Variants in CNKSR2 observed in about 807,000 individuals in gnomAD.
The protein encoded by CNKSR2 is CNK homolog protein 2.
CNKSR2 carries 14 observed loss-of-function variants against 84.4 expected under a neutral mutation model. The ratio of observed to expected loss-of-function variants is 0.17; its 90% CI spans 0.11 to 0.26. CNKSR2 has a LOEUF of 0.26. Among genes scored for constraint, CNKSR2 ranks in the 10% least tolerant of loss-of-function variants. CNKSR2 has a pLI of 1.00. For missense variants in CNKSR2, 485 were observed against 771.2 expected, an observed-to-expected ratio of 0.63 and a Z score of 4.40; for synonymous variants, 275 against 277.9, an observed-to-expected ratio of 0.99 and a Z score of 0.10.
intron 5 of CNKSR2, among the ~76,000 whole-genome samples, chrX:21,481,378 G>C (rs759039298): frequency 9.0e-6 from 1 of 111,353 alleles, no homozygotes; most frequent in Non-Finnish European, 1.9e-5. Context: ...TAATTCTAAG[G>C]TCATAAATTA....
At chrX:21,534,960 A>T (rs143454906) in intron 11 of CNKSR2, among the ~76,000 whole-genome samples, 1,569 of 110,630 alleles carry the variant, frequency 0.014, 14 homozygotes, top group Non-Finnish European at 0.023. Context: ...TGCCTAGACC[A>T]ATGTCCTGAA....
intron 20 of CNKSR2, among the ~76,000 whole-genome samples, chrX:21,630,484 A>C (rs1454318763): frequency 2.7e-5 from 3 of 111,701 alleles, no homozygotes; most frequent in African/African-American, 9.8e-5. Context: ...CAACCCTGTA[A>C]GGGAAATACT....
chrX:21,590,899 T>G, intron 14 of CNKSR2, 123 bp from the exon 15 acceptor site: 1 of 578,654 alleles, frequency 1.7e-6, no homozygotes, highest in Admixed American at 3.4e-5. Flanking sequence ...TATATTTTTC[T>G]AGTCTAATAC....
Position 21,482,330 on chromosome X carries a change from G to A in CNKSR2, c.562-8129G>A, listed in dbSNP as rs1160810068. On this transcript the variant is annotated intron_variant, in intron 5 of 21. Transcript: ENST00000379510. Reference sequence around the variant, plus strand: ...CATTGTGAAAAGAACATTTGACTAAGCATCAGCACTTCTGGGTTTTAGTCT... The same window carrying A: ...CATTGTGAAAAGAACATTTGACTAAACATCAGCACTTCTGGGTTTTAGTCT... Among the ~76,000 whole-genome samples, 6 of 111,779 alleles carry A rather than the reference G, an allele frequency of 5.4e-5. No individual in the cohort carries two copies. In the Middle Eastern group the frequency reaches 0.014, roughly 258 times the overall value.
At chrX:21,390,316 C>T (rs888409584) in intron 1 of CNKSR2, among the ~76,000 whole-genome samples, 7 of 111,611 alleles carry the variant, frequency 6.3e-5, no homozygotes, top group Non-Finnish European at 3.8e-5. Flanking sequence ...TCTTGCATTA[C>T]TGGCATAAAG....
In CNKSR2 at chrX:21,588,415, A is replaced by G. The variant is rs189099035; in HGVS notation, c.1609-2157A>G. On this transcript the variant is annotated intron_variant, in intron 13 of 21. Coordinates refer to ENST00000379510, the MANE Select transcript of CNKSR2 (RefSeq NM_014927.5). ...TTCCCATTACTTCCAAAAGCATATAATACAATTAACTTTTTCATTTTAGAA... is the reference window on the plus strand; with the variant it reads ...TTCCCATTACTTCCAAAAGCATATAGTACAATTAACTTTTTCATTTTAGAA... Among the ~76,000 whole-genome samples, 378 of 112,526 alleles carry G rather than the reference A, an allele frequency of 3.4e-3. 1 individual carries two copies. The highest frequency in any genetic ancestry group is 0.012 in the African/African-American group (365 of 31,049).
chrX:21,553,128 GT>G (rs1366175759), intron 11 of CNKSR2, among the ~76,000 whole-genome samples: 1 of 111,325 alleles, frequency 9.0e-6, no homozygotes, highest in African/African-American at 3.3e-5. Flanking sequence ...TTTTGCAAGA[GT>G]TGCAAACTGG....
In CNKSR2 at chrX:21,495,783, C is replaced by CAAAAAA. The variant is rs55689293; in HGVS notation, c.682-1970_682-1965dup. On this transcript the variant is annotated intron_variant, in intron 6 of 21. Transcript: ENST00000379510. ...GGGGGACGAAAGTGAAGCTCCGTCT[C>CAAAAAA]AAAAAAAAAAAAAAAAAAAAAAAAA... is the stretch of plus-strand genomic sequence containing the variant. 7.1e-3 allele frequency: 49 copies of CAAAAAA among 6,950 alleles called. 4 individuals carry two copies. The highest frequency in any genetic ancestry group is 0.014 in the African/African-American group (26 of 1,831). The allele number at this position is 6,950 out of a possible 1,213,427, so 0.6% of individuals were successfully genotyped here.
intron 1 of CNKSR2, among the ~76,000 whole-genome samples, chrX:21,401,338 A>G (rs999691048): frequency 1.8e-5 from 2 of 111,958 alleles, no homozygotes; most frequent in Non-Finnish European, 3.8e-5. Context: ...AATTGGAAAT[A>G]ATATGGGTTT....
chrX:21,553,206 T>A lies in CNKSR2; in HGVS notation c.1304-8265T>A, dbSNP rs182838330. The stretch of plus-strand genomic sequence containing the variant: ...ATGCCATTAAATTTTTGAAGAAAAA[T>A]TAATTGGATTTTTGTCTAATGTAAT... On this transcript the variant is annotated intron_variant, in intron 11 of 21. Transcript: ENST00000379510. Among the ~76,000 whole-genome samples the A allele has an allele frequency of 1.3e-4, 14 of 111,225 alleles. No individual in the cohort carries two copies. The East Asian group carries it at 3.7e-3, about 29-fold the overall frequency.
chrX:21,607,823 T>C (rs763590611), intron 19 of CNKSR2, among the ~76,000 whole-genome samples: 2 of 109,824 alleles, frequency 1.8e-5, no homozygotes, highest in Non-Finnish European at 1.9e-5. Context: ...ATAATAATAA[T>C]AATATTCCAT....
chrX:21,454,209 A>T (rs1303995660), intron 4 of CNKSR2, among the ~76,000 whole-genome samples: 1 of 111,917 alleles, frequency 8.9e-6, no homozygotes, highest in Non-Finnish European at 1.9e-5. Context: ...TAAAAGTCAT[A>T]TAGGTTATAT....
chrX:21,594,785 A>C (rs1036396250), intron 15 of CNKSR2, 189 bp from the exon 16 acceptor site: 26 of 334,878 alleles, frequency 7.8e-5, no homozygotes, highest in Non-Finnish European at 1.3e-4. Flanking sequence ...TAGTATTCTA[A>C]GTGTTCAAAA....
intron 13 of CNKSR2, among the ~76,000 whole-genome samples, chrX:21,566,599 C>T (rs1156859957): frequency 9.0e-6 from 1 of 111,561 alleles, no homozygotes; most frequent in African/African-American, 3.3e-5. Flanking sequence ...ATTTCATAGG[C>T]TTCTATCTCT....
chrX:21,587,753 T>G (rs906215589), intron 13 of CNKSR2, among the ~76,000 whole-genome samples: 5 of 111,747 alleles, frequency 4.5e-5, no homozygotes, highest in African/African-American at 1.3e-4. Flanking sequence ...TGTCCATTAT[T>G]TATGAATAAT....
At chrX:21,542,710 C>G (rs1238879195) in intron 11 of CNKSR2, among the ~76,000 whole-genome samples, 1 of 111,665 alleles carries the variant, frequency 9.0e-6, no homozygotes, top group African/African-American at 3.3e-5. Flanking sequence ...AAGGTAGACA[C>G]AGTTGGCTGA....
intron 11 of CNKSR2, among the ~76,000 whole-genome samples, chrX:21,554,756 C>T (rs921984626): frequency 2.7e-5 from 3 of 111,248 alleles, no homozygotes; most frequent in African/African-American, 9.8e-5. Flanking sequence ...ATGTTGATTC[C>T]ATGTCTTTGC....
intron 1 of CNKSR2, among the ~76,000 whole-genome samples, chrX:21,421,602 T>C (rs1031256601): frequency 3.0e-4 from 34 of 111,767 alleles, no homozygotes; most frequent in African/African-American, 1.1e-3. Context: ...TCTTCAAATA[T>C]CTGCTTTCAT....
chrX:21,483,169 A>G (rs1211143241), intron 5 of CNKSR2, among the ~76,000 whole-genome samples: 2 of 111,629 alleles, frequency 1.8e-5, no homozygotes, highest in Non-Finnish European at 3.8e-5. Context: ...ACCAACCCAA[A>G]TGTCCAACAG....
Sources: gnomAD v4.1 joint callset for allele counts (sites outside exome capture counted in the v4.1 genomes callset) on GRCh38, gnomAD v4.1.1 for gene constraint, MANE v1.5 for transcripts, NCBI Gene and HGNC (gene_info 2026-07-23, HGNC 2026-07-21) for gene names.